PCDHGA3: variants seen among roughly 807,000 people sequenced by gnomAD.
PCDHGA3 encodes protocadherin gamma subfamily A, 3.
Under a neutral mutation model 58.5 loss-of-function variants are expected in PCDHGA3, and 40 were observed. The ratio of observed to expected loss-of-function variants is 0.68; its 90% CI spans 0.53 to 0.89. The LOEUF (loss-of-function observed/expected upper bound fraction) is 0.89, where lower values mean the gene tolerates loss of function less well. Among genes scored for constraint, PCDHGA3 ranks in the 40% least tolerant of loss-of-function variants. The pLI, the probability that PCDHGA3 is intolerant of heterozygous loss-of-function variation, is 0.00. For missense variants in PCDHGA3, 1,223 were observed against 1,195.9 expected, an observed-to-expected ratio of 1.02 and a Z score of -0.33; for synonymous variants, 530 against 525.7, an observed-to-expected ratio of 1.01 and a Z score of -0.11.
chr5:141,393,497 C>T (rs375522990), intron 1 of PCDHGA3: 705 of 1,613,952 alleles, frequency 4.4e-4, no homozygotes, highest in Non-Finnish European at 5.6e-4. Flanking sequence ...CAGTGCGCAT[C>T]CACGTGACAG....
chr5:141,471,843 T>C (rs1471729261), intron 1 of PCDHGA3, among the ~76,000 whole-genome samples: 2 of 152,166 alleles, frequency 1.3e-5, no homozygotes, highest in Admixed American at 6.5e-5. Context: ...TTTAATAAAA[T>C]ATTCAGAAAA....
intron 1 of PCDHGA3, chr5:141,428,374 C>G: frequency 1.9e-6 from 1 of 530,640 alleles, no homozygotes; most frequent in South Asian, 1.9e-5. Context: ...CTTGCACCTG[C>G]GATGCTCTTC....
intron 1 of PCDHGA3, among the ~76,000 whole-genome samples, chr5:141,470,591 G>A (rs1271473509): frequency 1.3e-5 from 2 of 152,132 alleles, no homozygotes; most frequent in African/African-American, 4.8e-5. Flanking sequence ...ATAGGCAGGC[G>A]ACCTGTGCGG....
chr5:141,511,237 T>C lies in PCDHGA3; in HGVS notation c.*64T>C, dbSNP rs886816274. 1.9e-6 allele frequency: 3 copies of C among 1,590,378 alleles called. No homozygotes were observed. The South Asian group carries it at 3.4e-5, about 18-fold the overall frequency. ...CCAACCAGCCCAGCTTCTCCTTACC[T>C]GCACCCAGGCCTCAGAGTTTCAGGG... On this transcript the variant is annotated 3_prime_UTR_variant, in exon 4 of 4. Coordinates refer to ENST00000253812, the MANE Select transcript of PCDHGA3 (RefSeq NM_018916.4).
chr5:141,383,900 T>C (rs766644204), intron 1 of PCDHGA3: 6 of 1,613,976 alleles, frequency 3.7e-6, no homozygotes, highest in Non-Finnish European at 5.1e-6. Context: ...GCAAAAGTAC[T>C]GATCACAGTT....
In PCDHGA3 at chr5:141,344,840, T is replaced by G; in HGVS notation, c.807T>G (p.Pro269=). ...TGCTCACGGTGAATGCCACTGACCC[T>G]GACGAGGGATTCAATGCTCAAGTGT... ...TRLLTVNATD[P]DEGFNAQVSY... Residue 269 remains proline, a synonymous_variant, in exon 1 of 4, where the codon CCT becomes CCG. Coordinates refer to ENST00000253812, the MANE Select transcript of PCDHGA3 (RefSeq NM_018916.4). 6.2e-7 allele frequency: 1 copy of G among 1,613,940 alleles called. No homozygotes were observed. Among genetic ancestry groups the G allele is most frequent in the South Asian group, 1.1e-5 (1 of 91,068 alleles).
chr5:141,488,540 A>C (rs901890616), intron 1 of PCDHGA3, among the ~76,000 whole-genome samples: 6 of 152,146 alleles, frequency 3.9e-5, no homozygotes, highest in Admixed American at 2.0e-4. Context: ...GCTAAGTCCC[A>C]TGTCAGCTGA....
chr5:141,355,645 G>A lies in PCDHGA3; in HGVS notation c.2424+9188G>A, dbSNP rs765146485. 21 of 1,613,868 alleles carry A rather than the reference G, an allele frequency of 1.3e-5. No individual in the cohort carries two copies. The Admixed American group carries it at 2.2e-4, about 17-fold the overall frequency. ...AAAAGTTGCTGAAAATGAAAATCCT[G>A]GGGCAAGATTTCCTCTTCCTGAAGC... is the stretch of plus-strand genomic sequence containing the variant. On this transcript the variant is annotated intron_variant, in intron 1 of 3. Coordinates refer to ENST00000253812, the MANE Select transcript of PCDHGA3 (RefSeq NM_018916.4).
intron 3 of PCDHGA3, 110 bp downstream of exon 3, chr5:141,505,591 G>T: frequency 6.4e-7 from 1 of 1,570,280 alleles, no homozygotes; most frequent in Non-Finnish European, 8.7e-7. Flanking sequence ...AGTTTCTCCA[G>T]ATCTTTCGGC....
chr5:141,351,339 C>T (rs1309136506), intron 1 of PCDHGA3: 1 of 1,613,532 alleles, frequency 6.2e-7, no homozygotes, highest in Non-Finnish European at 8.5e-7. Flanking sequence ...GACCTTGGAA[C>T]TGTAATAGCC....
intron 1 of PCDHGA3, chr5:141,352,663 T>G: frequency 1.3e-6 from 2 of 1,589,980 alleles, no homozygotes; most frequent in Non-Finnish European, 1.7e-6. Flanking sequence ...CTTCTTTGTC[T>G]TCGCACGTGA....
intron 1 of PCDHGA3, chr5:141,409,553 G>T: frequency 6.2e-7 from 1 of 1,613,972 alleles, no homozygotes; most frequent in Non-Finnish European, 8.5e-7. Context: ...CAACGCCCCA[G>T]TTTTCGACCA....
At chr5:141,387,629 G>T (rs1361387129) in intron 1 of PCDHGA3, 7 of 579,598 alleles carry the variant, frequency 1.2e-5, no homozygotes, top group African/African-American at 3.7e-5. Context: ...CTGACTCTGG[G>T]CGCCGCTGTT....
At chr5:141,414,897 C>A (rs2095799678) in intron 1 of PCDHGA3, 7 of 1,614,230 alleles carry the variant, frequency 4.3e-6, no homozygotes, top group Non-Finnish European at 5.9e-6. Flanking sequence ...TCCCCACAGA[C>A]GGTTCCACAG....
chr5:141,398,586 A>C, intron 1 of PCDHGA3: 1 of 1,614,054 alleles, frequency 6.2e-7, no homozygotes, highest in Admixed American at 1.7e-5. Flanking sequence ...CAAGATTTAT[A>C]CTAGAAGTAG....
At chr5:141,433,123 C>A in intron 1 of PCDHGA3, 1 of 1,614,116 alleles carries the variant, frequency 6.2e-7, no homozygotes, top group Non-Finnish European at 8.5e-7. Context: ...TTGAAAAAAG[C>A]GAGCCCCTTT....
intron 1 of PCDHGA3, chr5:141,427,834 C>A: frequency 6.5e-7 from 1 of 1,542,566 alleles, no homozygotes; most frequent in Non-Finnish European, 8.9e-7. Flanking sequence ...GCGCAGCGTG[C>A]CTTCGACCAC....
At chr5:141,450,565 C>T (rs1024229182) in intron 1 of PCDHGA3, among the ~76,000 whole-genome samples, 2 of 152,016 alleles carry the variant, frequency 1.3e-5, no homozygotes, top group Non-Finnish European at 2.9e-5. Context: ...CGGCTCACTG[C>T]AACTTCTGCC....
At chr5:141,451,807 G>A (rs896081470) in intron 1 of PCDHGA3, among the ~76,000 whole-genome samples, 5 of 150,778 alleles carry the variant, frequency 3.3e-5, no homozygotes, top group African/African-American at 1.2e-4. Flanking sequence ...CTTGAACCCA[G>A]GAGGCGGAGG....
Sources: allele counts gnomAD v4.1 joint callset (sites outside exome capture counted in the v4.1 genomes callset), GRCh38; gene constraint gnomAD v4.1.1; transcripts MANE v1.5; gene names NCBI Gene and HGNC (gene_info 2026-07-23, HGNC 2026-07-21).